The following PLPPR3 variants were observed in gnomAD, a reference collection of about 807,000 sequenced individuals.
The protein encoded by PLPPR3 is phospholipid phosphatase-related protein type 3.
Under a neutral mutation model 27.3 loss-of-function variants are expected in PLPPR3, and 14 were observed. That is an observed-to-expected ratio of 0.51 (90% CI 0.34 to 0.80). The LOEUF (loss-of-function observed/expected upper bound fraction) is 0.80, where lower values mean the gene tolerates loss of function less well. Ranked by LOEUF, PLPPR3 falls within the 30% of genes least tolerant of loss-of-function variation. The pLI is 0.01. For missense variants in PLPPR3, 1,287 were observed against 1,056.9 expected (o/e 1.22, Z -3.02); for synonymous variants, 671 against 508.0 (o/e 1.32, Z -4.32).
Position 813,957 on chromosome 19 carries a change from G to C in PLPPR3, c.832-62C>G, listed in dbSNP as rs1328544632. 2 of 1,405,752 alleles carry C rather than the reference G, an allele frequency of 1.4e-6. No homozygotes were observed. Among genetic ancestry groups the C allele is most frequent in the African/African-American group, 3.0e-5 (2 of 66,628 alleles). The allele number at this position is 1,405,752 out of a possible 1,614,324, so 87.1% of individuals were successfully genotyped here. A position where few individuals can be genotyped will look rare whatever the true frequency, so the allele number is the denominator to read the frequency against. Reference sequence around the variant, plus strand: ...CTCAGAGGGCTCCTCCCCTGTGATCGTTGGACTTGCCGCGGGGGGCTCTGG... The same window carrying C: ...CTCAGAGGGCTCCTCCCCTGTGATCCTTGGACTTGCCGCGGGGGGCTCTGG... On this transcript the variant is annotated intron_variant, in intron 7 of 7. Transcript: ENST00000520876. This position sits in a 1 kb window ranked among gnomAD's most constrained non-coding sequence, Gnocchi z 4.1.
At chr19:823,268 C>G (rs949480783), upstream of PLPPR3, among the ~76,000 whole-genome samples, 2 of 151,746 alleles carry the variant, frequency 1.3e-5, no homozygotes, top group Non-Finnish European at 2.9e-5. Context: ...ATGGTGAAAC[C>G]CCATCTCTAC....
At position 813,080 on chromosome 19, in the gene PLPPR3, C is replaced by T. The variant is rs749808547; in HGVS notation, c.1647G>A (p.Pro549=). Residue 549 remains proline, a synonymous_variant, in exon 8 of 8, where the codon CCG becomes CCA. Coordinates refer to ENST00000520876, the MANE Select transcript of PLPPR3 (RefSeq NM_001270366.2). This position sits in a 1 kb window ranked among gnomAD's most constrained non-coding sequence, Gnocchi z 4.1. The part of the protein sequence containing the change: ...VIAMSKAPGA[P]GPKAAETASS... ...ACGCCGTCTCGGCCGCCTTGGGGCC[C>T]GGCGCGCCCGGAGCCTTGGACATGG... 19 of 1,496,002 alleles carry T rather than the reference C, an allele frequency of 1.3e-5. No homozygotes were observed. The highest frequency in any genetic ancestry group is 1.7e-5 in the Non-Finnish European group (19 of 1,133,476). 92.7% of individuals were successfully genotyped at this position (1,496,002 alleles called of 1,614,324 possible).
rs1246842705 is a variant in PLPPR3 at position 813,768 on chromosome 19, G to A, written c.959C>T (p.Ser320Leu). 5.9e-6 allele frequency: 9 copies of A among 1,528,034 alleles called. No homozygotes were observed. The highest frequency in any genetic ancestry group is 1.7e-4 in the Middle Eastern group (1 of 5,974). The allele number at this position is 1,528,034 out of a possible 1,614,324, so 94.7% of individuals were successfully genotyped here. A position where few individuals can be genotyped will look rare whatever the true frequency, so the allele number is the denominator to read the frequency against. The change falls in exon 8 of 8, where the codon TCG (serine) becomes TTG (leucine). Residue 320 changes from serine (S) to leucine (L), a missense_variant. Coordinates refer to ENST00000520876, the MANE Select transcript of PLPPR3 (RefSeq NM_001270366.2). This position sits in a 1 kb window ranked among gnomAD's most constrained non-coding sequence, Gnocchi z 4.1. ...GGGCCCCAGCTCGTCGGTGCTCACC[G>A]ACTTATTCTGCTGATAAACCGAGTC... The part of the protein sequence containing the change: ...GHDSVYQQNK[S>L]VSTDELGPPG...
Position 813,190 on chromosome 19 carries a change from C to A in PLPPR3, c.1537G>T (p.Ala513Ser). 6.6e-7 allele frequency: 1 copy of A among 1,510,214 alleles called. No individual in the cohort carries two copies. Among genetic ancestry groups the A allele is most frequent in the Non-Finnish European group, 8.8e-7 (1 of 1,140,878 alleles). The allele number at this position is 1,510,214 out of a possible 1,614,324, so 93.6% of individuals were successfully genotyped here. Residue 513 changes from alanine to serine, a missense_variant, in exon 8 of 8, where the codon GCC (alanine) becomes TCC (serine). By Grantham distance (99) the Ala-to-Ser change is moderately conservative. Coordinates refer to ENST00000520876, the MANE Select transcript of PLPPR3 (RefSeq NM_001270366.2). The surrounding 1 kb of genome is among the most constrained non-coding windows in gnomAD (Gnocchi z 4.1). ...TGAGLSPKSG[A>S]GVRAKWLMMA... ...ATGAGCCACTTGGCGCGCACCCCGGCGCCGCTTTTGGGGGACAGGCCGGCC... is the reference window on the plus strand; with the variant it reads ...ATGAGCCACTTGGCGCGCACCCCGGAGCCGCTTTTGGGGGACAGGCCGGCC...
At chr19:821,652 G>A in intron 1 of PLPPR3, 67 bp from the exon 2 acceptor site, 1 of 899,768 alleles carries the variant, frequency 1.1e-6, no homozygotes, top group Non-Finnish European at 1.6e-6. Context: ...ACGGTGGCCG[G>A]CGCCGGCGGG....
intron 2 of PLPPR3, among the ~76,000 whole-genome samples, chr19:817,709 G>A (rs749105254): frequency 6.6e-6 from 1 of 152,154 alleles, no homozygotes; most frequent in Non-Finnish European, 1.5e-5. Context: ...TCCCAGGGCA[G>A]AATTGGATCG....
At position 821,473 on chromosome 19, in the gene PLPPR3, A is replaced by T; in HGVS notation, c.75+12T>A. 7.3e-7 allele frequency: 1 copy of T among 1,375,776 alleles called. No individual in the cohort carries two copies. The highest frequency in any genetic ancestry group is 9.6e-7 in the Non-Finnish European group (1 of 1,040,314). The allele number at this position is 1,375,776 out of a possible 1,614,324, so 85.2% of individuals were successfully genotyped here. ...GGCGTCTCCCCCGGGCCCCAGCGCG[A>T]CCCCCACCCACCTCCACGAAGTAGA... On this transcript the variant is annotated intron_variant, in intron 2 of 7. Transcript: ENST00000520876.
intron 2 of PLPPR3, among the ~76,000 whole-genome samples, chr19:820,628 T>C (rs1218453140): frequency 6.6e-6 from 1 of 152,144 alleles, no homozygotes; most frequent in East Asian, 1.9e-4. Context: ...CAAGCGATTC[T>C]CCTGCCCCAG....
At chr19:820,475 T>C (rs894564986) in intron 2 of PLPPR3, among the ~76,000 whole-genome samples, 2 of 150,768 alleles carry the variant, frequency 1.3e-5, no homozygotes. Context: ...ATGACAAACG[T>C]GAGCCACCGC....
Position 815,247 on chromosome 19 carries a change from G to A in PLPPR3, c.342C>T (p.Gly114=), listed in dbSNP as rs1429737824. ...AGTTGCAGCCGCCGGCGTTGATGCT[G>A]CCCTCCGCCCCGGCGGGCCCCCCGG... ...GRAGGPAGAE[G]SINAGGCNFN... The change falls in exon 4 of 8, where the codon GGC becomes GGT. Residue 114 remains glycine (G), a synonymous_variant. Transcript: ENST00000520876. 6.3e-7 allele frequency: 1 copy of A among 1,578,394 alleles called. No homozygotes were observed. Among genetic ancestry groups the A allele is most frequent in the Admixed American group, 1.8e-5 (1 of 55,536 alleles).
chr19:823,615 C>G (rs1371779694), upstream of PLPPR3, among the ~76,000 whole-genome samples: 5 of 152,154 alleles, frequency 3.3e-5, no homozygotes, highest in Non-Finnish European at 5.9e-5. Context: ...GTGTTGCTAC[C>G]TTTGGATGGA....
upstream of PLPPR3, among the ~76,000 whole-genome samples, chr19:822,304 G>A (rs1233487354): frequency 6.6e-6 from 1 of 151,796 alleles, no homozygotes; most frequent in Non-Finnish European, 1.5e-5. Context: ...GGCGGGGGCG[G>A]GGGTTGGGGT....
In PLPPR3 at chr19:812,494, T is replaced by G. The variant is rs1338610687; in HGVS notation, c.*76A>C. The G allele has an allele frequency of 1.0e-6, 1 of 977,818 alleles. No individual in the cohort carries two copies. The highest frequency in any genetic ancestry group is 1.2e-6 in the Non-Finnish European group (1 of 821,550). 60.6% of individuals were successfully genotyped at this position (977,818 alleles called of 1,614,324 possible). On this transcript the variant is annotated 3_prime_UTR_variant, in exon 8 of 8. Coordinates refer to ENST00000520876, the MANE Select transcript of PLPPR3 (RefSeq NM_001270366.2). ...AATGACCAAGAGCCGGACCTCGGTTTCTGCCGCTTTATTGAGCATCCGCGC... is the reference window on the plus strand; with the variant it reads ...AATGACCAAGAGCCGGACCTCGGTTGCTGCCGCTTTATTGAGCATCCGCGC...
rs767810908 is a variant in PLPPR3, at chr19:813,533, C to A, written c.1194G>T (p.Pro398=). 4 of 1,561,744 alleles carry A rather than the reference C, an allele frequency of 2.6e-6. No individual in the cohort carries two copies. Among genetic ancestry groups the A allele is most frequent in the African/African-American group, 2.7e-5 (2 of 73,548 alleles). The change falls in exon 8 of 8, where the codon CCG becomes CCT. Residue 398 remains proline (P), a synonymous_variant. Transcript: ENST00000520876. The surrounding 1 kb of genome is among the most constrained non-coding windows in gnomAD (Gnocchi z 4.1). ...GCTGCTTGGAGCGCGAGGCGTCCAG[C>A]GGCACGTGGATGGTCATGTGGCGGC... ...PARRHMTIHV[P]LDASRSKQLI... is the part of the protein sequence containing the mutation.
In PLPPR3 at chr19:815,886, C is replaced by T. The variant is rs749723608; in HGVS notation, c.76-35G>A. The T allele has an allele frequency of 8.1e-6, 13 of 1,601,174 alleles. No homozygotes were observed. In the East Asian group the frequency reaches 2.5e-4, roughly 30 times the overall value. The stretch of plus-strand genomic sequence containing the variant: ...CAAGGTGGGCCAGGTTCACCCTGCT[C>T]TCCCTCGCGGAGGCGTCTGTCCAGC... On this transcript the variant is annotated intron_variant, in intron 2 of 7. Coordinates refer to ENST00000520876, the MANE Select transcript of PLPPR3 (RefSeq NM_001270366.2).
chr19:817,369 T>C (rs2035078387), intron 2 of PLPPR3, among the ~76,000 whole-genome samples: 1 of 151,862 alleles, frequency 6.6e-6, no homozygotes. Context: ...CGCCTCCAGG[T>C]TCAAGAGATC....
intron 4 of PLPPR3, 22 bp downstream of exon 4, chr19:815,164 C>T (rs754493754): frequency 9.4e-6 from 15 of 1,601,840 alleles, no homozygotes; most frequent in Admixed American, 5.0e-5. Context: ...AGCTCAGGGT[C>T]GGGGCGCGTC....
At chr19:815,596 C>T (rs2035040162) in intron 3 of PLPPR3, 70 bp downstream of exon 3, 27 of 1,447,060 alleles carry the variant, frequency 1.9e-5, no homozygotes, top group Non-Finnish European at 2.4e-5. Flanking sequence ...GGATGTTCAC[C>T]GAGGTGGCGG....
intron 2 of PLPPR3, among the ~76,000 whole-genome samples, chr19:816,621 A>G (rs562425673): frequency 9.5e-4 from 125 of 131,392 alleles, no homozygotes; most frequent in African/African-American, 3.7e-3. Flanking sequence ...CCCATTCATC[A>G]TCCAGCCATT....
Sources: gnomAD v4.1 joint callset for allele counts (sites outside exome capture counted in the v4.1 genomes callset) on GRCh38, gnomAD v4.1.1 for gene constraint, Gnocchi (gnomAD v3.1) non-coding constraint, MANE v1.5 for transcripts, NCBI Gene and HGNC (gene_info 2026-07-23, HGNC 2026-07-21) for gene names.